Variants in GALNT2 observed in about 807,000 individuals in gnomAD.
GALNT2 encodes the protein polypeptide N-acetylgalactosaminyltransferase 2.
In GALNT2, 31 loss-of-function variants were observed where a neutral mutation model predicts 81.4. The observed-to-expected ratio is 0.38, with a 90% confidence interval of 0.29 to 0.51. The LOEUF (loss-of-function observed/expected upper bound fraction) is 0.51. Ranked by LOEUF, GALNT2 falls within the 20% of genes least tolerant of loss-of-function variation. The pLI, the probability that GALNT2 is intolerant of heterozygous loss-of-function variation, is 0.87. For missense variants in GALNT2, 629 were observed against 765.7 expected (o/e 0.82, Z 2.11); for synonymous variants, 303 against 287.4 (o/e 1.05, Z -0.55).
intron 3 of GALNT2, among the ~76,000 whole-genome samples, chr1:230,224,571 T>G (rs1572105135): frequency 6.6e-6 from 1 of 152,236 alleles, no homozygotes; most frequent in East Asian, 1.9e-4. Flanking sequence ...ACATTTTTAT[T>G]CCATCAAACA....
Position 230,279,368 on chromosome 1 carries a change from T to C in GALNT2, c.1626T>C (p.Ser542=). The change falls in exon 16 of 16, where the codon AGT becomes AGC. Residue 542 remains serine, a synonymous_variant. Transcript: ENST00000366672. This position sits in a 1 kb window ranked among gnomAD's most constrained non-coding sequence, Gnocchi z 4.6. ...TGGGCAGCAACCTGTGCCTGGACAG[T>C]CGCACGGCCAAGAGCGGGGGCCTAA... is the stretch of plus-strand genomic sequence containing the variant. ...RHVGSNLCLD[S]RTAKSGGLSV... The C allele has an allele frequency of 6.2e-7, 1 of 1,614,134 alleles. No homozygotes were observed. Among genetic ancestry groups the C allele is most frequent in the African/African-American group, 1.3e-5 (1 of 75,030 alleles).
intron 1 of GALNT2, among the ~76,000 whole-genome samples, chr1:230,116,731 T>C (rs763275500): frequency 2.3e-4 from 35 of 152,164 alleles, no homozygotes; most frequent in Non-Finnish European, 4.0e-4. Flanking sequence ...CCGAGCAGTC[T>C]CAACACGGAC....
intron 1 of GALNT2, among the ~76,000 whole-genome samples, chr1:230,088,990 T>C (rs1659979140): frequency 6.6e-6 from 1 of 152,198 alleles, no homozygotes; most frequent in African/African-American, 2.4e-5. Context: ...TCGTATAAAT[T>C]GACTCAAGCA....
chr1:230,228,981 T>C (rs1011798032), intron 3 of GALNT2, among the ~76,000 whole-genome samples: 4 of 152,238 alleles, frequency 2.6e-5, no homozygotes, highest in Non-Finnish European at 4.4e-5. Flanking sequence ...TTATGAAGGA[T>C]ATATAACCTG....
intron 8 of GALNT2, among the ~76,000 whole-genome samples, 188 bp from the exon 9 acceptor site, chr1:230,248,996 C>T (rs112637788): frequency 2.8e-4 from 42 of 152,292 alleles, no homozygotes; most frequent in African/African-American, 9.6e-4. Context: ...CACTGCCGGT[C>T]TCTCTCTTCA....
chr1:230,067,373 G>A lies in GALNT2; in HGVS notation c.93G>A (p.Leu31=), dbSNP rs1176342356. 3 of 1,307,780 alleles carry A rather than the reference G, an allele frequency of 2.3e-6. No individual in the cohort carries two copies. Among genetic ancestry groups the A allele is most frequent in the East Asian group, 3.4e-5 (1 of 29,814 alleles). 81.0% of individuals were successfully genotyped at this position (1,307,780 alleles called of 1,614,324 possible). Residue 31 remains leucine (L), a synonymous_variant, in exon 1 of 16, where the codon CTG becomes CTA. Transcript: ENST00000366672. ...YYMYSGGGSA[L]AGGAGGGAGR... ...TGTACTCGGGGGGCGGCTCTGCGCT[G>A]GCCGGGGGCGCGGGCGGCGGCGCCG...
chr1:230,068,591 A>G (rs560326218), intron 1 of GALNT2, among the ~76,000 whole-genome samples: 1 of 152,302 alleles, frequency 6.6e-6, no homozygotes, highest in South Asian at 2.1e-4. Context: ...CTAGATGAAC[A>G]GACTTCAGTT....
intron 6 of GALNT2, among the ~76,000 whole-genome samples, chr1:230,237,858 G>A (rs1303245227): frequency 1.4e-5 from 2 of 148,042 alleles, no homozygotes. Context: ...AAAAAAAAAA[G>A]AGAAGTGGGG....
rs1665015635 is a variant in GALNT2 at position 230,236,019 on chromosome 1, A to G, written c.380A>G (p.Gln127Arg). Residue 127 changes from glutamine (Q) to arginine (R), a missense_variant, in exon 4 of 16, where the codon CAG becomes CGG. Physicochemically the swap from Gln to Arg is conservative, Grantham distance 43 (BLOSUM62 1). Around this residue, in one of 3 missense-constraint regions of GALNT2, gnomAD observed 360 missense variants for 492.8 expected, o/e 0.73. Transcript: ENST00000366672. ...CCATCTTTCTCTTCCTGCAGGTGTCAGCGGAAGCAGTGGCGGGTGGATCTG... is the reference window on the plus strand; with the variant it reads ...CCATCTTTCTCTTCCTGCAGGTGTCGGCGGAAGCAGTGGCGGGTGGATCTG... ...AIPDTRHDQC[Q>R]RKQWRVDLPA... 4 of 1,614,066 alleles carry G rather than the reference A, an allele frequency of 2.5e-6. No individual in the cohort carries two copies. The highest frequency in any genetic ancestry group is 1.7e-6 in the Non-Finnish European group (2 of 1,179,962).
intron 3 of GALNT2, among the ~76,000 whole-genome samples, chr1:230,224,085 A>G (rs1204156627): frequency 1.3e-5 from 2 of 152,234 alleles, no homozygotes; most frequent in East Asian, 3.8e-4. Context: ...CAATGGAAGT[A>G]AAAACTAAAC....
At chr1:230,062,226 G>A (rs1659066237) in intron 1 of GALNT2, among the ~76,000 whole-genome samples, 1 of 151,940 alleles carries the variant, frequency 6.6e-6, no homozygotes, top group African/African-American at 2.4e-5. Context: ...GTCTGTTTAT[G>A]CTTTTCGCCA....
intron 6 of GALNT2, among the ~76,000 whole-genome samples, chr1:230,239,967 T>G (rs1315134853): frequency 1.3e-5 from 2 of 152,234 alleles, no homozygotes; most frequent in Admixed American, 6.5e-5. Flanking sequence ...TCCCTTCCTA[T>G]GTACTATCGT....
chr1:230,058,046 G>A (rs760090656), exon 1 of GALNT2: 6 of 456,136 alleles, frequency 1.3e-5, no homozygotes, highest in Non-Finnish European at 2.6e-5. Context: ...ATGTGGACAG[G>A]GCAAGGTGCC....
At position 230,153,796 on chromosome 1, in the gene GALNT2, G is replaced by A. The variant is rs577910142; in HGVS notation, c.127-24422G>A. On this transcript the variant is annotated intron_variant, in intron 1 of 15. Coordinates refer to ENST00000366672, the MANE Select transcript of GALNT2 (RefSeq NM_004481.5). The stretch of plus-strand genomic sequence containing the variant: ...TTTGTTCCCACTCCTGGGCCTCCTG[G>A]CGTGGCCTCGGGGGCCCCTGGTTGG... Among the ~76,000 whole-genome samples the A allele has an allele frequency of 3.9e-5, 6 of 152,356 alleles. No individual in the cohort carries two copies. The South Asian group carries it at 1.2e-3, about 32-fold the overall frequency.
intron 10 of GALNT2, among the ~76,000 whole-genome samples, chr1:230,251,781 G>A (rs1487555981): frequency 2.0e-5 from 3 of 152,162 alleles, no homozygotes; most frequent in Non-Finnish European, 4.4e-5. Flanking sequence ...CAAAAACAGT[G>A]TGGTTTTCAG....
At chr1:230,181,813 T>G (rs1396323984) in intron 2 of GALNT2, among the ~76,000 whole-genome samples, 1 of 152,244 alleles carries the variant, frequency 6.6e-6, no homozygotes, top group African/African-American at 2.4e-5. Flanking sequence ...AGAGAATTGG[T>G]ATAATTTCTT....
intron 14 of GALNT2, among the ~76,000 whole-genome samples, chr1:230,270,280 A>G (rs535065004): frequency 1.3e-5 from 2 of 152,340 alleles, no homozygotes; most frequent in South Asian, 2.1e-4. Flanking sequence ...ACATCAGCAC[A>G]TACAATGTGA....
intron 3 of GALNT2, among the ~76,000 whole-genome samples, chr1:230,204,228 T>C (rs1663993241): frequency 1.3e-5 from 2 of 151,780 alleles, no homozygotes; most frequent in Non-Finnish European, 2.9e-5. Context: ...AGTGATGTGA[T>C]CTTGGCTCAC....
At chr1:230,190,393 A>G (rs1159995241) in intron 2 of GALNT2, among the ~76,000 whole-genome samples, 1 of 152,198 alleles carries the variant, frequency 6.6e-6, no homozygotes, top group African/African-American at 2.4e-5. Flanking sequence ...GGCCTTGCAC[A>G]GTTTCTTAGA....
Sources: gnomAD v4.1 joint callset for allele counts (sites outside exome capture counted in the v4.1 genomes callset) on GRCh38, gnomAD v4.1.1 for gene constraint, gnomAD v4.1.1 regional missense constraint, Gnocchi (gnomAD v3.1) non-coding constraint, MANE v1.5 for transcripts, NCBI Gene and HGNC (gene_info 2026-07-23, HGNC 2026-07-21) for gene names.